HACE1: variants seen among roughly 807,000 people sequenced by gnomAD.
HACE1 encodes HECT domain and ankyrin repeat containing E3 ubiquitin protein ligase 1, also known as E3 ubiquitin-protein ligase HACE1.
Under a neutral mutation model 118.4 loss-of-function variants are expected in HACE1, and 73 were observed. The observed-to-expected ratio is 0.62, with a 90% confidence interval of 0.51 to 0.75. The LOEUF (loss-of-function observed/expected upper bound fraction) is 0.75, where lower values mean the gene tolerates loss of function less well. HACE1 is among the 30% of genes least tolerant of loss of function. The pLI is 0.00. For synonymous variants in HACE1, 368 were observed against 374.8 expected (o/e 0.98, Z 0.21); for missense variants, 749 against 1,102.2 (o/e 0.68, Z 4.54).
intron 19 of HACE1, among the ~76,000 whole-genome samples, chr6:104,754,638 T>G (rs1198560389): frequency 6.6e-6 from 1 of 152,128 alleles, no homozygotes; most frequent in African/African-American, 2.4e-5. Context: ...TATTCAACAT[T>G]CTTAAAGAAA....
chr6:104,856,664 A>G (rs1032728008), intron 1 of HACE1, among the ~76,000 whole-genome samples: 4 of 152,022 alleles, frequency 2.6e-5, no homozygotes, highest in African/African-American at 9.7e-5. Flanking sequence ...CACACTCCTG[A>G]CCTCAGGTGA....
At chr6:104,835,362 T>C (rs1774421358) in intron 5 of HACE1, among the ~76,000 whole-genome samples, 1 of 152,100 alleles carries the variant, frequency 6.6e-6, no homozygotes, top group Non-Finnish European at 1.5e-5. Flanking sequence ...AAGAAAAAAC[T>C]ATATTTAATA....
Position 104,751,044 on chromosome 6 carries a change from T to C in HACE1, c.2212-572A>G, listed in dbSNP as rs568655080. Among the ~76,000 whole-genome samples, 65 of 152,374 alleles carry C rather than the reference T, an allele frequency of 4.3e-4. 2 individuals carry two copies. In the South Asian group the frequency reaches 0.013, roughly 31 times the overall value. On this transcript the variant is annotated intron_variant, in intron 19 of 23. Coordinates refer to ENST00000262903, the MANE Select transcript of HACE1 (RefSeq NM_020771.4). ...CTAAGGCCCTAAATGATCTGGCCTCTGCCTTGCTCTCTGATCTCACTTCTT... is the reference window on the plus strand; with the variant it reads ...CTAAGGCCCTAAATGATCTGGCCTCCGCCTTGCTCTCTGATCTCACTTCTT...
At chr6:104,750,023 A>C (rs976505187) in intron 20 of HACE1, among the ~76,000 whole-genome samples, 1 of 152,168 alleles carries the variant, frequency 6.6e-6, no homozygotes, top group African/African-American at 2.4e-5. Flanking sequence ...TAAAAAATTC[A>C]GAAATAATGT....
At chr6:104,757,034 G>A (rs933720283) in intron 19 of HACE1, among the ~76,000 whole-genome samples, 1 of 152,158 alleles carries the variant, frequency 6.6e-6, no homozygotes, top group Non-Finnish European at 1.5e-5. Context: ...GAGGTTCTCT[G>A]CTCACAGTAT....
chr6:104,748,906 G>A (rs1777739104), intron 20 of HACE1, among the ~76,000 whole-genome samples: 2 of 152,130 alleles, frequency 1.3e-5, no homozygotes, highest in Admixed American at 1.3e-4. Flanking sequence ...GGAGGGAGAT[G>A]ACAGAGTGAC....
At chr6:104,753,673 A>T (rs148328623) in intron 19 of HACE1, among the ~76,000 whole-genome samples, 684 of 152,312 alleles carry the variant, frequency 4.5e-3, no homozygotes, top group Non-Finnish European at 6.8e-3. Context: ...AAGTGGCCAG[A>T]TTACTAAAAG....
At chr6:104,760,351 G>C (rs188925172) in intron 19 of HACE1, among the ~76,000 whole-genome samples, 62 of 152,262 alleles carry the variant, frequency 4.1e-4, no homozygotes, top group African/African-American at 1.4e-3. Flanking sequence ...TATCCACCAC[G>C]ATCAAGTCGG....
At chr6:104,793,625 T>C (rs1436986043) in intron 10 of HACE1, among the ~76,000 whole-genome samples, 1 of 152,236 alleles carries the variant, frequency 6.6e-6, no homozygotes, top group Non-Finnish European at 1.5e-5. Flanking sequence ...TCAGTTATTT[T>C]CTTAATGAAA....
intron 7 of HACE1, among the ~76,000 whole-genome samples, chr6:104,809,580 A>G (rs1771377556): frequency 6.6e-6 from 1 of 152,048 alleles, no homozygotes; most frequent in Non-Finnish European, 1.5e-5. Context: ...AACTTGAATT[A>G]TATTTAAAAT....
At chr6:104,742,619 C>G (rs1164005132) in intron 22 of HACE1, among the ~76,000 whole-genome samples, 1 of 151,036 alleles carries the variant, frequency 6.6e-6, no homozygotes, top group Non-Finnish European at 1.5e-5. Flanking sequence ...GAGATACCGT[C>G]TCACACCAGT....
chr6:104,744,137 A>G (rs1310803003), intron 22 of HACE1, 23 bp downstream of exon 22: 2 of 1,347,686 alleles, frequency 1.5e-6, no homozygotes, highest in African/African-American at 1.4e-5. Context: ...TTATTTCCAT[A>G]TTATCATAAA....
intron 19 of HACE1, among the ~76,000 whole-genome samples, chr6:104,760,688 T>G (rs1022157210): frequency 2.0e-5 from 3 of 152,202 alleles, no homozygotes; most frequent in East Asian, 3.8e-4. Flanking sequence ...TATTGGAAAT[T>G]CTGGCCAGGG....
chr6:104,738,258 T>C lies in HACE1; in HGVS notation c.2513+5902A>G, dbSNP rs533452549. Among the ~76,000 whole-genome samples, 363 of 152,120 alleles carry C rather than the reference T, an allele frequency of 2.4e-3. 1 individual carries two copies. Among genetic ancestry groups the C allele is most frequent in the African/African-American group, 8.2e-3 (341 of 41,494 alleles). On this transcript the variant is annotated intron_variant, in intron 22 of 23. Coordinates refer to ENST00000262903, the MANE Select transcript of HACE1 (RefSeq NM_020771.4). ...AAACCGGAAACTCTAAAAAGCAGAG[T>C]GCCTCTCCTCCTCCAAAGGAACGCA...
rs1489273183 is a variant in HACE1, at chr6:104,813,068, A to G, written c.535-1675T>C. ...GAAAACCTCCAGCCTCCATGTTCCA[A>G]CTAGGCTCCCAGAAATCCAGCAGGC... On this transcript the variant is annotated intron_variant, in intron 6 of 23. Transcript: ENST00000262903. Among the ~76,000 whole-genome samples, 2 of 122,964 alleles carry G rather than the reference A, an allele frequency of 1.6e-5. 1 individual carries two copies. The highest frequency in any genetic ancestry group is 3.4e-5 in the Non-Finnish European group (2 of 58,252). The allele number at this position is 122,964 out of a possible 152,430, so 80.7% of individuals were successfully genotyped here.
At chr6:104,835,590 G>C (rs1157567426) in intron 5 of HACE1, among the ~76,000 whole-genome samples, 1 of 151,994 alleles carries the variant, frequency 6.6e-6, no homozygotes, top group South Asian at 2.1e-4. Context: ...GTGTGAATAG[G>C]TCTAACATTT....
chr6:104,850,218 G>C (rs980697121), intron 3 of HACE1, among the ~76,000 whole-genome samples: 8 of 152,200 alleles, frequency 5.3e-5, no homozygotes, highest in Non-Finnish European at 1.0e-4. Flanking sequence ...CAAAAGTGCT[G>C]GGATTACAGG....
chr6:104,746,824 G>A (rs1421842194), intron 20 of HACE1, among the ~76,000 whole-genome samples: 2 of 152,168 alleles, frequency 1.3e-5, no homozygotes, highest in Non-Finnish European at 2.9e-5. Context: ...CAGGCTTTAC[G>A]CATGTCTTAC....
intron 19 of HACE1, among the ~76,000 whole-genome samples, chr6:104,751,597 T>C (rs1778050771): frequency 6.6e-6 from 1 of 151,876 alleles, no homozygotes; most frequent in South Asian, 2.1e-4. Context: ...GCCACCACAC[T>C]CCAACCCGGG....
Sources: allele counts gnomAD v4.1 joint callset (sites outside exome capture counted in the v4.1 genomes callset), GRCh38; gene constraint gnomAD v4.1.1; transcripts MANE v1.5; gene names NCBI Gene and HGNC (gene_info 2026-07-23, HGNC 2026-07-21).